The following RTCB variants were observed in gnomAD, a reference collection of about 807,000 sequenced individuals.
RTCB encodes RNA 2',3'-cyclic phosphate and 5'-OH ligase.
RTCB carries 32 observed loss-of-function variants against 58.2 expected under a neutral mutation model. The observed-to-expected ratio is 0.55, with a 90% CI of 0.41 to 0.74. RTCB has a LOEUF of 0.74. Among genes scored for constraint, RTCB ranks in the 30% least tolerant of loss-of-function variants. RTCB has a pLI of 0.00. For missense variants in RTCB, 523 were observed against 639.0 expected, an observed-to-expected ratio of 0.82 and a Z score of 1.96; for synonymous variants, 247 against 218.6, an observed-to-expected ratio of 1.13 and a Z score of -1.15.
chr22:32,390,669 T>A (rs1001891841), intron 11 of RTCB, among the ~76,000 whole-genome samples: 9 of 152,144 alleles, frequency 5.9e-5, no homozygotes, highest in Admixed American at 3.9e-4. Context: ...AGGATGGTCT[T>A]GATCTCCTCA....
At chr22:32,409,836 G>C in intron 1 of RTCB, among the ~76,000 whole-genome samples, 1 of 128,900 alleles carries the variant, frequency 7.8e-6, no homozygotes, top group East Asian at 2.2e-4. Flanking sequence ...TTTTTTTTTT[G>C]AGACTGAGTC....
At chr22:32,399,580 G>A (rs1267942313) in intron 6 of RTCB, 23 bp downstream of exon 6, 6 of 1,573,186 alleles carry the variant, frequency 3.8e-6, no homozygotes, top group Admixed American at 1.8e-5. Context: ...AAATTAACAT[G>A]TTGCCCCTCC....
intron 5 of RTCB, 57 bp downstream of exon 5, chr22:32,401,690 G>A: frequency 6.4e-7 from 1 of 1,568,160 alleles, no homozygotes; most frequent in Admixed American, 1.7e-5. Flanking sequence ...AAAGGAAGCT[G>A]AAGGTCATGT....
At chr22:32,390,624 AT>A (rs1933139591) in intron 11 of RTCB, among the ~76,000 whole-genome samples, 1 of 151,866 alleles carries the variant, frequency 6.6e-6, no homozygotes, top group African/African-American at 2.4e-5. Context: ...AATTTTTTGT[AT>A]TTTTAGTAGA....
At chr22:32,402,055 C>A in intron 4 of RTCB, 152 bp from the exon 5 acceptor site, 1 of 821,166 alleles carries the variant, frequency 1.2e-6, no homozygotes, top group Non-Finnish European at 1.9e-6. Context: ...CTGAGTAAAG[C>A]TTGATGACAC....
At chr22:32,393,395 C>A (rs1933187727) in intron 10 of RTCB, among the ~76,000 whole-genome samples, 1 of 152,080 alleles carries the variant, frequency 6.6e-6, no homozygotes, top group Non-Finnish European at 1.5e-5. Context: ...GTTTCCTGAC[C>A]CCTGGGCTTA....
At chr22:32,398,372 C>T (rs779315220) in intron 6 of RTCB, among the ~76,000 whole-genome samples, 46 of 152,070 alleles carry the variant, frequency 3.0e-4, no homozygotes, top group East Asian at 5.8e-4. Context: ...CCAAACACCA[C>T]GGGTTCTCAC....
Position 32,392,160 on chromosome 22 carries a change from A to G in RTCB, c.1410+80T>C, listed in dbSNP as rs185476816. 520 of 1,446,322 alleles carry G rather than the reference A, an allele frequency of 3.6e-4. 1 individual carries two copies. The East Asian group carries it at 8.7e-3, about 24-fold the overall frequency. The allele number at this position is 1,446,322 out of a possible 1,614,324, so 89.6% of individuals were successfully genotyped here. On this transcript the variant is annotated intron_variant, in intron 11 of 11. Transcript: ENST00000216038. ...AAACAATTTCTGTTAGTAACACCCT[A>G]AATTGCTGTCTCTGTAGACTGGAAC... is the stretch of plus-strand genomic sequence containing the variant.
At chr22:32,393,496 G>T (rs145135240) in intron 10 of RTCB, among the ~76,000 whole-genome samples, 1 of 151,938 alleles carries the variant, frequency 6.6e-6, no homozygotes, top group Admixed American at 6.6e-5. Flanking sequence ...CCAATCTTGC[G>T]TGGACCTACA....
At position 32,395,203 on chromosome 22, in the gene RTCB, C is replaced by G. The variant is rs1254457855; in HGVS notation, c.1002G>C (p.Lys334Asn). ...MTFLTRQAFA[K>N]VFNTTPDDLD... is the part of the protein sequence containing the mutation. ...AGTCATCAGGGGTTGTGTTGAAGAC[C>G]TTGGCGAAAGCCTAGGAGAAAACAC... Residue 334 changes from lysine to asparagine, a missense_variant, in exon 9 of 12, where the codon AAG (lysine) becomes AAC (asparagine). Transcript: ENST00000216038. The G allele has an allele frequency of 6.2e-7, 1 of 1,614,020 alleles. No homozygotes were observed. Among genetic ancestry groups the G allele is most frequent in the East Asian group, 2.2e-5 (1 of 44,884 alleles).
rs1933222321 is a variant in RTCB at position 32,395,065 on chromosome 22, A to G, written c.1140T>C (p.Ala380=). The G allele has an allele frequency of 6.2e-7, 1 of 1,614,128 alleles. No homozygotes were observed. The highest frequency in any genetic ancestry group is 8.5e-7 in the Non-Finnish European group (1 of 1,180,006). The stretch of plus-strand genomic sequence containing the variant: ...CAATGAGGGGATGGTGAGGAGGGAA[A>G]GCGCGGGTGGATCCCTTCCTGTGTA... ...LLVHRKGSTR[A]FPPHHPLIAV... Residue 380 remains alanine, a synonymous_variant, in exon 9 of 12, where the codon GCT becomes GCC. Coordinates refer to ENST00000216038, the MANE Select transcript of RTCB (RefSeq NM_014306.5).
At chr22:32,401,251 AT>A (rs1245869794) in intron 5 of RTCB, among the ~76,000 whole-genome samples, 2 of 151,306 alleles carry the variant, frequency 1.3e-5, no homozygotes, top group African/African-American at 4.9e-5. Context: ...ACAAGCCATC[AT>A]GCCTAGTTAA....
At chr22:32,393,715 G>A (rs1291655860) in intron 10 of RTCB, among the ~76,000 whole-genome samples, 177 bp downstream of exon 10, 1 of 152,178 alleles carries the variant, frequency 6.6e-6, no homozygotes, top group African/African-American at 2.4e-5. Context: ...GAGATACTAG[G>A]TGACCCCAGT....
In RTCB at chr22:32,402,579, A is replaced by AGT. The variant is rs775293906; in HGVS notation, c.341-677_341-676insAC. 0.012 allele frequency among the ~76,000 whole-genome samples: 1,560 copies of AGT among 134,588 alleles called. 35 individuals are homozygous for AGT. In the East Asian group the frequency reaches 0.13, roughly 11 times the overall value. The allele number at this position is 134,588 out of a possible 152,430, so 88.3% of individuals were successfully genotyped here. A position where few individuals can be genotyped will look rare whatever the true frequency, so the allele number is the denominator to read the frequency against. On this transcript the variant is annotated intron_variant, in intron 4 of 11. Coordinates refer to ENST00000216038, the MANE Select transcript of RTCB (RefSeq NM_014306.5). ...ATTCTCCTGCCTCAGCCTCCCGAAT[A>AGT]GCTGAGATTACAGGCGTGCGCCACC...
chr22:32,389,478 A>AT lies in RTCB; in HGVS notation c.1411-1380dup, dbSNP rs575666131. ...CTACAGGCATGTGCCACTGTGCCTA[A>AT]TTTTTTTTATTTTTGTAGAGATGGG... On this transcript the variant is annotated intron_variant, in intron 11 of 11. Coordinates refer to ENST00000216038, the MANE Select transcript of RTCB (RefSeq NM_014306.5). 7.9e-5 allele frequency among the ~76,000 whole-genome samples: 12 copies of AT among 152,034 alleles called. No homozygotes were observed. In the East Asian group the frequency reaches 1.2e-3, roughly 15 times the overall value.
chr22:32,399,572 A>C (rs749855774), intron 6 of RTCB, 31 bp downstream of exon 6: 2 of 1,548,528 alleles, frequency 1.3e-6, no homozygotes, highest in Non-Finnish European at 1.7e-6. Context: ...TGAAAAAAAA[A>C]TTAACATGTT....
At chr22:32,391,893 T>C (rs1933159530) in intron 11 of RTCB, among the ~76,000 whole-genome samples, 1 of 152,242 alleles carries the variant, frequency 6.6e-6, no homozygotes, top group Non-Finnish European at 1.5e-5. Context: ...CAAACATTTA[T>C]GCCTTCCTTT....
intron 10 of RTCB, among the ~76,000 whole-genome samples, chr22:32,393,603 C>A (rs2145889996): frequency 6.6e-6 from 1 of 152,292 alleles, no homozygotes; most frequent in East Asian, 1.9e-4. Context: ...CACTTATAAA[C>A]CAGACAGTAA....
At chr22:32,404,969 T>C (rs1933396551) in intron 4 of RTCB, among the ~76,000 whole-genome samples, 1 of 152,122 alleles carries the variant, frequency 6.6e-6, no homozygotes, top group South Asian at 2.1e-4. Context: ...CTAGTTTTTA[T>C]TTAAACCATT....
Sources: gnomAD v4.1 joint callset for allele counts (sites outside exome capture counted in the v4.1 genomes callset) on GRCh38, gnomAD v4.1.1 for gene constraint, MANE v1.5 for transcripts, NCBI Gene and HGNC (gene_info 2026-07-23, HGNC 2026-07-21) for gene names.